The following MRPL46 variants were observed in gnomAD, a reference collection of about 807,000 sequenced individuals.
MRPL46 encodes large ribosomal subunit protein mL46.
In MRPL46, 26 loss-of-function variants were observed where a neutral mutation model predicts 31.0. The observed-to-expected ratio is 0.84, with a 90% CI of 0.61 to 1.16. MRPL46 has a LOEUF of 1.16. Among genes scored for constraint, MRPL46 ranks in the 50% most tolerant of loss-of-function variants. MRPL46 has a pLI of 0.00. For missense variants in MRPL46, 395 were observed against 340.0 expected, an observed-to-expected ratio of 1.16 and a Z score of -1.27; for synonymous variants, 159 against 141.3, an observed-to-expected ratio of 1.13 and a Z score of -0.89.
chr15:88,466,334 T>C (rs2055532737), intron 1 of MRPL46, among the ~76,000 whole-genome samples: 1 of 152,240 alleles, frequency 6.6e-6, no homozygotes. Flanking sequence ...TAAACACTCT[T>C]ATAGTGCCTT....
chr15:88,465,581 C>T lies in MRPL46; in HGVS notation c.415+6G>A. ...TTCCTTCTGGCTGGCCTAAAAGGAT[C>T]ACAACCTGTTATGCGAGCTCCAAGT... On this transcript the variant is annotated splice_donor_region_variant and intron_variant, in intron 2 of 3. Coordinates refer to ENST00000312475, the MANE Select transcript of MRPL46 (RefSeq NM_022163.4). The T allele has an allele frequency of 6.3e-7, 1 of 1,590,204 alleles. No individual in the cohort carries two copies. Among genetic ancestry groups the T allele is most frequent in the South Asian group, 1.2e-5 (1 of 86,788 alleles).
chr15:88,464,885 A>C lies in MRPL46; in HGVS notation c.416-9T>G. The C allele has an allele frequency of 1.9e-6, 3 of 1,613,200 alleles. No individual in the cohort carries two copies. In the South Asian group the frequency reaches 3.3e-5, roughly 18 times the overall value. ...ATTCTTTTCATCAGCTTCTACAGCA[A>C]AGGGGGTCAGAGGAGGTAAGAAGAC... On this transcript the variant is annotated splice_polypyrimidine_tract_variant and intron_variant, in intron 2 of 3. Transcript: ENST00000312475.
In MRPL46 at chr15:88,463,063, G is replaced by C. The variant is rs1163441868; in HGVS notation, c.589+1640C>G. ...TGACGTTAAGAGACGTTGAGCATCT[G>C]GACACAATGATCCTCGCAAGAAACT... On this transcript the variant is annotated intron_variant, in intron 3 of 3. Transcript: ENST00000312475. The surrounding 1 kb of genome is among the most constrained non-coding windows in gnomAD (Gnocchi z 5.4). The C allele has an allele frequency of 6.6e-6, 1 of 152,254 alleles. No homozygotes were observed. The highest frequency in any genetic ancestry group is 2.4e-5 in the African/African-American group (1 of 41,458). 9.4% of individuals were successfully genotyped at this position (152,254 alleles called of 1,614,324 possible).
Position 88,459,780 on chromosome 15 carries a change from T to G in MRPL46, c.673A>C (p.Ser225Arg). Reference sequence around the variant, plus strand: ...AAGAACACCTTGGCTCCGAGGTTACTCTCTGTCCGCATTGCCTGGGGGAAC... The same window carrying G: ...AAGAACACCTTGGCTCCGAGGTTACGCTCTGTCCGCATTGCCTGGGGGAAC... ...FKFPQAMRTE[S>R]NLGAKVFFFK... is the part of the protein sequence containing the mutation. Residue 225 changes from serine to arginine, a missense_variant, in exon 4 of 4, where the codon AGT (serine) becomes CGT (arginine). Coordinates refer to ENST00000312475, the MANE Select transcript of MRPL46 (RefSeq NM_022163.4). 6.2e-7 allele frequency: 1 copy of G among 1,614,224 alleles called. No homozygotes were observed. Among genetic ancestry groups the G allele is most frequent in the Non-Finnish European group, 8.5e-7 (1 of 1,180,042 alleles).
At chr15:88,465,130 A>C (rs2055511825) in intron 2 of MRPL46, 1 of 439,680 alleles carries the variant, frequency 2.3e-6, no homozygotes, top group Admixed American at 4.1e-5. Context: ...TCTTCAAAAA[A>C]GAAACAATGA....
chr15:88,459,522 A>C lies in MRPL46; in HGVS notation c.*91T>G. The C allele has an allele frequency of 6.4e-7, 1 of 1,550,714 alleles. No homozygotes were observed. Among genetic ancestry groups the C allele is most frequent in the South Asian group, 1.2e-5 (1 of 83,252 alleles). ...TTCTCAGAATTTAGTTTGCTGCTTG[A>C]TATTACCTGCAAATGTGAGGCAATC... On this transcript the variant is annotated 3_prime_UTR_variant, in exon 4 of 4. Transcript: ENST00000312475.
At chr15:88,459,937 T>A (rs2055462297) in intron 3 of MRPL46, 74 bp from the exon 4 acceptor site, 1 of 1,557,712 alleles carries the variant, frequency 6.4e-7, no homozygotes, top group Non-Finnish European at 8.7e-7. Flanking sequence ...GCTCCCAAAA[T>A]TATAGGGGGT....
chr15:88,464,606 AC>A, intron 3 of MRPL46, 96 bp downstream of exon 3: 1 of 533,782 alleles, frequency 1.9e-6, no homozygotes, highest in Non-Finnish European at 2.9e-6. Context: ...TAACCTTCCC[AC>A]CCCCACCCTT....
At chr15:88,464,570 A>G (rs200767253) in intron 3 of MRPL46, 133 bp downstream of exon 3, 7 of 1,019,480 alleles carry the variant, frequency 6.9e-6, no homozygotes, top group East Asian at 6.0e-5. Context: ...TCTGGCTGAA[A>G]TTTTTATAAA....
chr15:88,467,065 G>T, intron 1 of MRPL46, 85 bp downstream of exon 1: 1 of 1,425,028 alleles, frequency 7.0e-7, no homozygotes, highest in Non-Finnish European at 9.8e-7. Context: ...GATAAGTACC[G>T]TATACTTAAG....
At position 88,460,018 on chromosome 15, in the gene MRPL46, C is replaced by T. The variant is rs1032841159; in HGVS notation, c.590-155G>A. Reference sequence around the variant, plus strand: ...GACTAGAGCCATTCCTGAAAAGAGGCTCCTCCCCTCTCAATCCAAATGCCT... The same window carrying T: ...GACTAGAGCCATTCCTGAAAAGAGGTTCCTCCCCTCTCAATCCAAATGCCT... On this transcript the variant is annotated intron_variant, in intron 3 of 3. Transcript: ENST00000312475. 7.6e-5 allele frequency: 68 copies of T among 890,830 alleles called. No individual in the cohort carries two copies. In the East Asian group the frequency reaches 1.7e-3, roughly 22 times the overall value. The allele number at this position is 890,830 out of a possible 1,614,324, so 55.2% of individuals were successfully genotyped here. A position where few individuals can be genotyped will look rare whatever the true frequency, so the allele number is the denominator to read the frequency against.
At position 88,464,760 on chromosome 15, in the gene MRPL46, A is replaced by G; in HGVS notation, c.532T>C (p.Trp178Arg). ...CCTCGAAGGGTCTCCCCAGGCTGCC[A>G]CTCTGCCTGGGGCAGTATCCAAACA... ...QDVWILPQAE[W>R]QPGETLRGTA... Residue 178 changes from tryptophan (W) to arginine (R), a missense_variant, in exon 3 of 4, where the codon TGG becomes CGG. By Grantham distance (101) the Trp-to-Arg change is moderately radical. Transcript: ENST00000312475. 1.9e-6 allele frequency: 3 copies of G among 1,613,996 alleles called. No homozygotes were observed. The highest frequency in any genetic ancestry group is 1.7e-6 in the Non-Finnish European group (2 of 1,179,982).
chr15:88,464,466 T>C (rs1376852772), intron 3 of MRPL46: 1 of 465,626 alleles, frequency 2.1e-6, no homozygotes, highest in African/African-American at 2.0e-5. Flanking sequence ...ATTTTGAATG[T>C]ACTAAATTTT....
chr15:88,464,247 G>A (rs930007653), intron 3 of MRPL46: 2 of 160,434 alleles, frequency 1.2e-5, no homozygotes, highest in African/African-American at 4.8e-5. Flanking sequence ...AGTCTAGTGA[G>A]AAGTGAAGAG....
intron 2 of MRPL46, chr15:88,465,222 G>A: frequency 2.4e-6 from 1 of 414,378 alleles, no homozygotes; most frequent in Non-Finnish European, 4.2e-6. Flanking sequence ...CTGTTCTTCA[G>A]TCTTCATCTG....
chr15:88,465,672 ATCT>A lies in MRPL46; in HGVS notation c.327_329del (p.Glu109del). 6.2e-7 allele frequency: 1 copy of A among 1,613,828 alleles called. No individual in the cohort carries two copies. The highest frequency in any genetic ancestry group is 8.5e-7 in the Non-Finnish European group (1 of 1,179,980). On this transcript the variant is annotated inframe_deletion, in exon 2 of 4. Coordinates refer to ENST00000312475, the MANE Select transcript of MRPL46 (RefSeq NM_022163.4). ...CTTGCGCCAGCAATATATCCTGTTC[ATCT>A]TCTTCATCATGAAGGTCAGCTTTCT...
At chr15:88,465,139 G>A (rs1598284574) in intron 2 of MRPL46, 2 of 435,488 alleles carry the variant, frequency 4.6e-6, no homozygotes, top group East Asian at 7.5e-5. Context: ...AAGAAACAAT[G>A]ATCATACTAA....
At position 88,459,793 on chromosome 15, in the gene MRPL46, T is replaced by G. The variant is rs1165974133; in HGVS notation, c.660A>C (p.Ala220=). The change falls in exon 4 of 4, where the codon GCA becomes GCC. Residue 220 remains alanine, a synonymous_variant. Coordinates refer to ENST00000312475, the MANE Select transcript of MRPL46 (RefSeq NM_022163.4). ...CGHYTFKFPQ[A]MRTESNLGAK... ...CTCCGAGGTTACTCTCTGTCCGCAT[T>G]GCCTGGGGGAACTTGAATGTGTAGT... 1 of 1,614,224 alleles carries G rather than the reference T, an allele frequency of 6.2e-7. No individual in the cohort carries two copies. Among genetic ancestry groups the G allele is most frequent in the Non-Finnish European group, 8.5e-7 (1 of 1,180,030 alleles).
At chr15:88,464,453 T>G (rs958884132) in intron 3 of MRPL46, 1 of 429,440 alleles carries the variant, frequency 2.3e-6, no homozygotes, top group Admixed American at 4.3e-5. Flanking sequence ...GGTAGAAATA[T>G]CAATTTTGAA....
Sources: gnomAD v4.1 joint callset for allele counts (sites outside exome capture counted in the v4.1 genomes callset) on GRCh38, gnomAD v4.1.1 for gene constraint, Gnocchi (gnomAD v3.1) non-coding constraint, MANE v1.5 for transcripts, NCBI Gene and HGNC (gene_info 2026-07-23, HGNC 2026-07-21) for gene names.